The following ANKFY1 variants were observed in gnomAD, a reference collection of about 807,000 sequenced individuals.
The protein encoded by ANKFY1 is ankyrin repeat and FYVE domain-containing protein 1.
In ANKFY1, 47 loss-of-function variants were observed where a neutral mutation model predicts 128.3. The observed-to-expected ratio is 0.37, with a 90% CI of 0.29 to 0.47. ANKFY1 has a LOEUF of 0.47. Ranked by LOEUF, ANKFY1 falls within the 20% of genes least tolerant of loss-of-function variation. The pLI, the probability that ANKFY1 is intolerant of heterozygous loss-of-function variation, is 1.00. For missense variants in ANKFY1, 1,222 were observed against 1,510.6 expected, an observed-to-expected ratio of 0.81 and a Z score of 3.17; for synonymous variants, 553 against 601.6, an observed-to-expected ratio of 0.92 and a Z score of 1.18.
intron 3 of ANKFY1, among the ~76,000 whole-genome samples, 190 bp downstream of exon 3, chr17:4,235,578 ATAGG>A (rs1966876884): frequency 1.3e-5 from 2 of 152,338 alleles, no homozygotes; most frequent in South Asian, 4.1e-4. Context: ...TACCTCCTAA[ATAGG>A]TAGGTACACA....
chr17:4,190,904 G>C (rs1302670293), intron 10 of ANKFY1, among the ~76,000 whole-genome samples: 1 of 152,192 alleles, frequency 6.6e-6, no homozygotes, highest in East Asian at 1.9e-4. Context: ...TTGGGAGGCT[G>C]AGTTGGGTGG....
chr17:4,224,912 C>T (rs1381462316), intron 3 of ANKFY1, among the ~76,000 whole-genome samples: 1 of 146,520 alleles, frequency 6.8e-6, no homozygotes, highest in African/African-American at 2.6e-5. Flanking sequence ...TAGAATAGTG[C>T]TATGCACAGA....
chr17:4,173,549 G>T, intron 20 of ANKFY1, 105 bp from the exon 21 acceptor site: 1 of 1,028,358 alleles, frequency 9.7e-7, no homozygotes, highest in Non-Finnish European at 1.5e-6. Flanking sequence ...CCCGGCCACA[G>T]CAGCGACTGG....
At position 4,236,481 on chromosome 17, in the gene ANKFY1, G is replaced by T. The variant is rs146535031; in HGVS notation, c.204-591C>A. On this transcript the variant is annotated intron_variant, in intron 2 of 24. Coordinates refer to ENST00000341657, the MANE Select transcript of ANKFY1 (RefSeq NM_001330063.2). ...TTATAAAAAATGGGGTGAGGAAAAAGCTTTCTTTTCAAAACATGTTTCCAT... is the reference window on the plus strand; with the variant it reads ...TTATAAAAAATGGGGTGAGGAAAAATCTTTCTTTTCAAAACATGTTTCCAT... 1.7e-3 allele frequency among the ~76,000 whole-genome samples: 252 copies of T among 152,286 alleles called. 1 individual carries two copies. Among genetic ancestry groups the T allele is most frequent in the African/African-American group, 5.7e-3 (238 of 41,556 alleles).
intron 7 of ANKFY1, among the ~76,000 whole-genome samples, chr17:4,202,676 G>A (rs2059952724): frequency 8.8e-6 from 1 of 114,220 alleles, no homozygotes; most frequent in Non-Finnish European, 1.6e-5. Flanking sequence ...CAGCCTGGGC[G>A]ACAGAGCGAA....
At chr17:4,224,712 A>G (rs895237486) in intron 3 of ANKFY1, among the ~76,000 whole-genome samples, 1 of 152,178 alleles carries the variant, frequency 6.6e-6, no homozygotes, top group Non-Finnish European at 1.5e-5. Flanking sequence ...GTTTTTGGGA[A>G]AGCAGGAACT....
chr17:4,238,955 C>T (rs1397938066), intron 2 of ANKFY1, among the ~76,000 whole-genome samples: 3 of 152,120 alleles, frequency 2.0e-5, no homozygotes, highest in Middle Eastern at 6.8e-3. Context: ...GACAGAGTTT[C>T]GCCATTTGGC....
intron 7 of ANKFY1, among the ~76,000 whole-genome samples, chr17:4,203,811 G>GT (rs1285550824): frequency 9.6e-6 from 1 of 104,536 alleles, no homozygotes; most frequent in Non-Finnish European, 1.8e-5. Flanking sequence ...GCGAAACTCC[G>GT]TCTCAACAAC....
In ANKFY1 at chr17:4,181,425, T is replaced by G; in HGVS notation, c.2122-53A>C. Reference sequence around the variant, plus strand: ...ACACTGCTGAGCAAAGGCAAACAGTTTTATTACCAAGTCTGAGCTCTATGT... The same window carrying G: ...ACACTGCTGAGCAAAGGCAAACAGTGTTATTACCAAGTCTGAGCTCTATGT... On this transcript the variant is annotated intron_variant, in intron 15 of 24. Transcript: ENST00000341657. This position sits in a 1 kb window ranked among gnomAD's most constrained non-coding sequence, Gnocchi z 4.9. 7.6e-7 allele frequency: 1 copy of G among 1,317,558 alleles called. No individual in the cohort carries two copies. Among genetic ancestry groups the G allele is most frequent in the Non-Finnish European group, 1.1e-6 (1 of 910,262 alleles). 81.6% of individuals were successfully genotyped at this position (1,317,558 alleles called of 1,614,324 possible). A position where few individuals can be genotyped will look rare whatever the true frequency, so the allele number is the denominator to read the frequency against.
rs1269355107 is a variant in ANKFY1 at position 4,194,966 on chromosome 17, C to G, written c.1372+12G>C. 6.2e-7 allele frequency: 1 copy of G among 1,614,192 alleles called. No homozygotes were observed. Among genetic ancestry groups the G allele is most frequent in the Admixed American group, 1.7e-5 (1 of 60,020 alleles). On this transcript the variant is annotated intron_variant, in intron 10 of 24. Coordinates refer to ENST00000341657, the MANE Select transcript of ANKFY1 (RefSeq NM_001330063.2). ...ACCCCAGCGTCGCCCCTTCGGGAGG[C>G]ACGTGCTTTACCTGTCGCCGTGTCA... is the stretch of plus-strand genomic sequence containing the variant.
chr17:4,197,455 C>A lies in ANKFY1; in HGVS notation c.1021G>T (p.Asp341Tyr), dbSNP rs776889265. 6.2e-7 allele frequency: 1 copy of A among 1,614,214 alleles called. No homozygotes were observed. Among genetic ancestry groups the A allele is most frequent in the South Asian group, 1.1e-5 (1 of 91,084 alleles). The change falls in exon 8 of 25, where the codon GAT (aspartate) becomes TAT (tyrosine). Residue 341 changes from aspartate to tyrosine, a missense_variant. Asp to Tyr is a radical substitution (Grantham distance 160). Transcript: ENST00000341657. The stretch of plus-strand genomic sequence containing the variant: ...ATCTGCGCCATCTCAGACATCACAT[C>A]TGCTGAGTGTTTCTTTGAACTGTAC... ...ALYSSKKHSA[D>Y]VMSEMAQIAE...
In ANKFY1 at chr17:4,173,897, A is replaced by G; in HGVS notation, c.2923+12T>C. ...GGATCGTTCAAGCCACTAAAGAATG[A>G]CTGGGAGTTACCATTGTTTCCATTC... On this transcript the variant is annotated intron_variant, in intron 20 of 24. Transcript: ENST00000341657. 1 of 1,610,752 alleles carries G rather than the reference A, an allele frequency of 6.2e-7. No homozygotes were observed.
chr17:4,216,792 A>C (rs1182906397), intron 4 of ANKFY1, 191 bp downstream of exon 4: 1 of 712,818 alleles, frequency 1.4e-6, no homozygotes, highest in Non-Finnish European at 2.4e-6. Flanking sequence ...AGAATAGCAA[A>C]AGCTTTAGCA....
intron 3 of ANKFY1, among the ~76,000 whole-genome samples, chr17:4,231,399 G>A (rs2060510010): frequency 6.6e-6 from 1 of 152,148 alleles, no homozygotes; most frequent in Non-Finnish European, 1.5e-5. Flanking sequence ...TGAGGTGGGA[G>A]GATCTCTTGA....
intron 23 of ANKFY1, 22 bp downstream of exon 23, chr17:4,170,693 G>A (rs1407879131): frequency 1.3e-6 from 2 of 1,594,482 alleles, no homozygotes; most frequent in Non-Finnish European, 1.7e-6. Context: ...TGCACTGTGA[G>A]AGCAGAGAGC....
intron 2 of ANKFY1, among the ~76,000 whole-genome samples, chr17:4,237,101 A>G (rs2143308247): frequency 6.6e-6 from 1 of 152,140 alleles, no homozygotes; most frequent in Middle Eastern, 3.4e-3. Context: ...GCGCTACTGC[A>G]CTCCAGCCTG....
At chr17:4,225,790 G>T (rs541140807) in intron 3 of ANKFY1, among the ~76,000 whole-genome samples, 66 of 152,104 alleles carry the variant, frequency 4.3e-4, no homozygotes, top group African/African-American at 1.4e-3. Flanking sequence ...TTGAGACAGG[G>T]TCTCACTGTC....
chr17:4,166,865 C>T lies in ANKFY1; in HGVS notation c.*914G>A, dbSNP rs917873331. 20 of 152,418 alleles carry T rather than the reference C, an allele frequency of 1.3e-4. No individual in the cohort carries two copies. The highest frequency in any genetic ancestry group is 4.3e-4 in the African/African-American group (18 of 41,450). The allele number at this position is 152,418 out of a possible 1,614,324, so 9.4% of individuals were successfully genotyped here. On this transcript the variant is annotated 3_prime_UTR_variant, in exon 25 of 25. Coordinates refer to ENST00000341657, the MANE Select transcript of ANKFY1 (RefSeq NM_001330063.2). ...TCTGTAGAGTTTTTCCTTGGAGATT[C>T]GTGTGAGCTGAGGTCCAGTCAAAGC...
intron 3 of ANKFY1, among the ~76,000 whole-genome samples, chr17:4,224,288 T>A (rs2060383746): frequency 7.4e-6 from 1 of 134,790 alleles, no homozygotes; most frequent in Admixed American, 8.5e-5. Flanking sequence ...AGTGGCGCGA[T>A]CTCGGCTCAC....
Sources: gnomAD v4.1 joint callset for allele counts (sites outside exome capture counted in the v4.1 genomes callset) on GRCh38, gnomAD v4.1.1 for gene constraint, Gnocchi (gnomAD v3.1) non-coding constraint, MANE v1.5 for transcripts, NCBI Gene and HGNC (gene_info 2026-07-23, HGNC 2026-07-21) for gene names.